TRRAP: variants seen among roughly 807,000 people sequenced by gnomAD.
The protein encoded by TRRAP is transformation/transcription domain associated protein.
In TRRAP, 41 loss-of-function variants were observed where a neutral mutation model predicts 438.8. That is an observed-to-expected ratio of 0.09 (90% confidence interval 0.07 to 0.12). The LOEUF (loss-of-function observed/expected upper bound fraction) is 0.12. TRRAP is among the 10% of genes least tolerant of loss of function. The pLI, the probability that TRRAP is intolerant of heterozygous loss-of-function variation, is 1.00. For synonymous variants in TRRAP, 1,994 were observed against 1,962.9 expected (o/e 1.02, Z -0.42); for missense variants, 3,122 against 5,055.1 (o/e 0.62, Z 11.60).
intron 18 of TRRAP, among the ~76,000 whole-genome samples, chr7:98,913,427 T>G (rs1020477022): frequency 4.6e-5 from 7 of 152,200 alleles, no homozygotes; most frequent in Middle Eastern, 3.4e-3. Flanking sequence ...TAACTGGGAT[T>G]ATAGGTGCAT....
intron 39 of TRRAP, 131 bp from the exon 40 acceptor site, chr7:98,953,035 GT>G (rs1554418517): frequency 1.9e-4 from 1 of 5,362 alleles, no homozygotes; most frequent in African/African-American, 7.1e-4. Context: ...GTTACATTGT[GT>G]GTGTGTGTGT....
At chr7:98,949,942 G>GT (rs1791256413) in intron 37 of TRRAP, 101 bp downstream of exon 37, 2 of 1,565,920 alleles carry the variant, frequency 1.3e-6, no homozygotes, top group South Asian at 2.4e-5. Flanking sequence ...CATTGGATGC[G>GT]TGCAGTCAGA....
chr7:98,935,552 TA>T, intron 27 of TRRAP, 26 bp from the exon 28 acceptor site: 1 of 1,583,536 alleles, frequency 6.3e-7, no homozygotes, highest in South Asian at 1.1e-5. Context: ...AAGAGTGGGC[TA>T]AATGAAATTG....
In TRRAP at chr7:98,977,042, C is replaced by T. The variant is rs1354342188; in HGVS notation, c.8351C>T (p.Ala2784Val). The T allele has an allele frequency of 1.9e-6, 3 of 1,614,092 alleles. No individual in the cohort carries two copies. The highest frequency in any genetic ancestry group is 1.7e-6 in the Non-Finnish European group (2 of 1,180,048). Residue 2784 changes from alanine (A) to valine (V), a missense_variant, in exon 56 of 73, where the codon GCG becomes GTG. Coordinates refer to ENST00000456197, the MANE Select transcript of TRRAP (RefSeq NM_001375524.1). ...KRCKYSETAT[A>V]IAYEQHGFFE... ...TGCAAGTACTCGGAGACAGCGACTGCGATTGCTTACGAGCAGCACGGGTTC... is the reference window on the plus strand; with the variant it reads ...TGCAAGTACTCGGAGACAGCGACTGTGATTGCTTACGAGCAGCACGGGTTC...
intron 47 of TRRAP, among the ~76,000 whole-genome samples, chr7:98,962,990 T>A (rs1368304740): frequency 6.6e-6 from 1 of 152,192 alleles, no homozygotes; most frequent in Non-Finnish European, 1.5e-5. Flanking sequence ...TGCCTCAAAA[T>A]TTATTTTCTC....
chr7:98,951,911 T>C (rs1395950608), intron 39 of TRRAP, among the ~76,000 whole-genome samples: 3 of 152,174 alleles, frequency 2.0e-5, no homozygotes, highest in Non-Finnish European at 2.9e-5. Context: ...TTCCCCTTTG[T>C]TACCTTCTCC....
At chr7:98,979,005 T>C in intron 58 of TRRAP, 101 bp downstream of exon 58, 2 of 1,475,186 alleles carry the variant, frequency 1.4e-6, no homozygotes, top group Non-Finnish European at 1.8e-6. Flanking sequence ...ATTTTGGCAG[T>C]GGAAAGACAG....
At chr7:98,916,619 A>C (rs1789530386) in intron 19 of TRRAP, among the ~76,000 whole-genome samples, 1 of 152,190 alleles carries the variant, frequency 6.6e-6, no homozygotes, top group African/African-American at 2.4e-5. Flanking sequence ...AGTGGACCAT[A>C]ACCTGGCTCC....
At chr7:98,973,451 G>A (rs1584379835) in intron 53 of TRRAP, among the ~76,000 whole-genome samples, 1 of 152,214 alleles carries the variant, frequency 6.6e-6, no homozygotes, top group African/African-American at 2.4e-5. Context: ...CTAGCAGTAT[G>A]TTGTGCGAGG....
chr7:98,970,105 C>A lies in TRRAP; in HGVS notation c.7513-7C>A, dbSNP rs1221341078. The A allele has an allele frequency of 6.2e-7, 1 of 1,613,386 alleles. No homozygotes were observed. Among genetic ancestry groups the A allele is most frequent in the African/African-American group, 1.3e-5 (1 of 74,894 alleles). On this transcript the variant is annotated splice_region_variant and splice_polypyrimidine_tract_variant and intron_variant, in intron 51 of 72. Coordinates refer to ENST00000456197, the MANE Select transcript of TRRAP (RefSeq NM_001375524.1). ...TTGGGTCTGTCTCCTTTCCGCACCC[C>A]TTGCAGCTGCTTCTGGCCGTGTGTG...
rs1366572307 is a variant in TRRAP at position 98,964,735 on chromosome 7, A to C, written c.6936A>C (p.Leu2312Phe). The C allele has an allele frequency of 1.2e-6, 2 of 1,613,580 alleles. No homozygotes were observed. The highest frequency in any genetic ancestry group is 4.5e-5 in the East Asian group (2 of 44,828). ...TGCAGAAGATGGTCCGGGAGCATTT[A>C]AACCCTCAGGCAGCGTCAGGAAGCA... is the stretch of plus-strand genomic sequence containing the variant. ...RSLQKMVREHLNPQAASGSTE... is the reference protein window; with the variant it reads ...RSLQKMVREHFNPQAASGSTE... The change falls in exon 48 of 73, where the codon TTA (leucine) becomes TTC (phenylalanine). Residue 2312 changes from leucine to phenylalanine, a missense_variant. By Grantham distance (22) the Leu-to-Phe change is conservative (BLOSUM62 0). Transcript: ENST00000456197.
At chr7:98,918,736 A>G (rs868968589) in intron 20 of TRRAP, among the ~76,000 whole-genome samples, 6 of 152,270 alleles carry the variant, frequency 3.9e-5, no homozygotes, top group Middle Eastern at 3.4e-3. Flanking sequence ...GGTTGTTTTG[A>G]AAACACTTGT....
At chr7:98,983,917 T>C (rs780073925) in intron 60 of TRRAP, among the ~76,000 whole-genome samples, 176 bp from the exon 61 acceptor site, 1 of 152,206 alleles carries the variant, frequency 6.6e-6, no homozygotes, top group Non-Finnish European at 1.5e-5. Flanking sequence ...ACTCAAGAAT[T>C]AGCACCTTTT....
At position 98,994,615 on chromosome 7, in the gene TRRAP, C is replaced by T. The variant is rs149390473; in HGVS notation, c.10076C>T (p.Ala3359Val). The change falls in exon 67 of 73, where the codon GCG (alanine) becomes GTG (valine). Residue 3359 changes from alanine (A) to valine (V), a missense_variant. Coordinates refer to ENST00000456197, the MANE Select transcript of TRRAP (RefSeq NM_001375524.1). This position sits in a 1 kb window ranked among gnomAD's most constrained non-coding sequence, Gnocchi z 4.8. ...EVLRQLQQGL[A>V]KCYSVAFEKS... The stretch of plus-strand genomic sequence containing the variant: ...CTCAGGCAGCTCCAACAGGGCCTGG[C>T]GAAATGTTACTCCGTGGCGTTTGAG... 5.0e-6 allele frequency: 8 copies of T among 1,614,022 alleles called. No individual in the cohort carries two copies. The African/African-American group carries it at 6.7e-5, about 13-fold the overall frequency.
At position 98,983,234 on chromosome 7, in the gene TRRAP, C is replaced by T. The variant is rs114394676; in HGVS notation, c.8827-30C>T. 1,270 of 1,568,696 alleles carry T rather than the reference C, an allele frequency of 8.1e-4. 10 individuals are homozygous for T. The African/African-American group carries it at 0.015, about 19-fold the overall frequency. On this transcript the variant is annotated intron_variant, in intron 59 of 72. Coordinates refer to ENST00000456197, the MANE Select transcript of TRRAP (RefSeq NM_001375524.1). ...CCCGTTTGATCTTTACTGACATTTA[C>T]CGCAGAGTCTCTTATGCTGGTCCCA... is the stretch of plus-strand genomic sequence containing the variant.
chr7:98,889,706 C>T (rs1049609589), intron 3 of TRRAP, among the ~76,000 whole-genome samples: 4 of 151,986 alleles, frequency 2.6e-5, no homozygotes, highest in African/African-American at 9.7e-5. Flanking sequence ...GCACGTGCCA[C>T]AATGCCCAGC....
chr7:98,978,117 T>C, intron 56 of TRRAP, 94 bp from the exon 57 acceptor site: 1 of 1,146,812 alleles, frequency 8.7e-7, no homozygotes. Context: ...CAAAACCTCA[T>C]CTCAAAAAAC....
chr7:99,001,214 C>T (rs1793904976), intron 67 of TRRAP, among the ~76,000 whole-genome samples: 1 of 152,216 alleles, frequency 6.6e-6, no homozygotes, highest in Non-Finnish European at 1.5e-5. Flanking sequence ...GCGCAGCTCC[C>T]TGTTCGTGAT....
chr7:98,990,313 A>G (rs1415672164), intron 63 of TRRAP, 142 bp from the exon 64 acceptor site: 1 of 709,110 alleles, frequency 1.4e-6, no homozygotes, highest in East Asian at 2.6e-5. Flanking sequence ...AAGTTTAGCA[A>G]TAATGTTGGC....
Sources: gnomAD v4.1 joint callset for allele counts (sites outside exome capture counted in the v4.1 genomes callset) on GRCh38, gnomAD v4.1.1 for gene constraint, Gnocchi (gnomAD v3.1) non-coding constraint, MANE v1.5 for transcripts, NCBI Gene and HGNC (gene_info 2026-07-23, HGNC 2026-07-21) for gene names.